The following RBM47 variants were observed in gnomAD, a reference collection of about 807,000 sequenced individuals.
RBM47 encodes RNA binding motif protein 47.
A neutral mutation model predicts 47.1 loss-of-function variants in RBM47; 21 were observed. That is an observed-to-expected ratio of 0.45 (90% CI 0.32 to 0.64). The LOEUF (loss-of-function observed/expected upper bound fraction) is 0.64, where lower values mean the gene tolerates loss of function less well. Among genes scored for constraint, RBM47 ranks in the 30% least tolerant of loss-of-function variants. RBM47 has a pLI of 0.05. For synonymous variants in RBM47, 375 were observed against 361.7 expected, an observed-to-expected ratio of 1.04 and a Z score of -0.42; for missense variants, 708 against 870.9, an observed-to-expected ratio of 0.81 and a Z score of 2.35.
intron 1 of RBM47, among the ~76,000 whole-genome samples, chr4:40,583,917 AT>A (rs1195260547): frequency 1.3e-5 from 2 of 151,636 alleles, no homozygotes; most frequent in Non-Finnish European, 2.9e-5. Flanking sequence ...GATTAAATAT[AT>A]TTTGTGATTT....
At chr4:40,539,657 T>C (rs1728304860) in intron 2 of RBM47, among the ~76,000 whole-genome samples, 2 of 135,744 alleles carry the variant, frequency 1.5e-5, no homozygotes, top group Non-Finnish European at 3.0e-5. Context: ...GGAGAATCAC[T>C]TGAACCTGAG....
intron 1 of RBM47, among the ~76,000 whole-genome samples, chr4:40,587,458 C>A (rs1733700281): frequency 6.6e-6 from 1 of 152,172 alleles, no homozygotes; most frequent in Non-Finnish European, 1.5e-5. Context: ...GAGCCAGGGG[C>A]AGGGAACACA....
At chr4:40,618,367 T>C (rs1736934141) in intron 1 of RBM47, among the ~76,000 whole-genome samples, 1 of 151,970 alleles carries the variant, frequency 6.6e-6, no homozygotes, top group African/African-American at 2.4e-5. Flanking sequence ...GATTTTACAG[T>C]GAGCAATGTC....
intron 2 of RBM47, among the ~76,000 whole-genome samples, chr4:40,523,261 C>A (rs896910403): frequency 6.6e-6 from 1 of 152,076 alleles, no homozygotes; most frequent in African/African-American, 2.4e-5. Context: ...GCCACCACAC[C>A]TGGCTAATAA....
intron 1 of RBM47, among the ~76,000 whole-genome samples, chr4:40,555,114 T>G (rs980200048): frequency 2.0e-5 from 3 of 152,194 alleles, no homozygotes; most frequent in Non-Finnish European, 4.4e-5. Flanking sequence ...TTTTTGTATT[T>G]TTACTAGAGA....
chr4:40,612,467 G>A (rs186311139), intron 1 of RBM47, among the ~76,000 whole-genome samples: 3 of 152,242 alleles, frequency 2.0e-5, no homozygotes, highest in East Asian at 1.9e-4. Flanking sequence ...AACCAAGATC[G>A]CACCACTGCA....
chr4:40,440,533 G>A (rs941963681), intron 3 of RBM47, among the ~76,000 whole-genome samples: 2 of 152,110 alleles, frequency 1.3e-5, no homozygotes, highest in Non-Finnish European at 2.9e-5. Flanking sequence ...ATCATTGAAG[G>A]AAAAAATAAA....
intron 2 of RBM47, among the ~76,000 whole-genome samples, chr4:40,487,600 C>T (rs930138441): frequency 2.6e-5 from 4 of 152,090 alleles, no homozygotes; most frequent in African/African-American, 9.7e-5. Flanking sequence ...CTCATCATTT[C>T]TTTTTTTATC....
chr4:40,481,878 T>G (rs540143326), intron 2 of RBM47, among the ~76,000 whole-genome samples: 3 of 152,210 alleles, frequency 2.0e-5, no homozygotes, highest in African/African-American at 7.2e-5. Flanking sequence ...AGAGATGGAG[T>G]TTCGCCATGT....
intron 2 of RBM47, chr4:40,515,922 G>A (rs1198460883): frequency 2.0e-5 from 3 of 152,180 alleles, no homozygotes; most frequent in Non-Finnish European, 4.4e-5. Flanking sequence ...AGAAGCTTCC[G>A]GTTAGTCCTG....
chr4:40,426,149 G>A lies in RBM47; in HGVS notation c.1543-6C>T, dbSNP rs760453069. The A allele has an allele frequency of 1.2e-6, 2 of 1,612,244 alleles. No homozygotes were observed. The highest frequency in any genetic ancestry group is 1.1e-5 in the South Asian group (1 of 91,010). ...ACTGGAGTTATTGGGCGGCCCTGAGGAGAAGAGACAAAAAGGAGCCTTCCT... is the reference window on the plus strand; with the variant it reads ...ACTGGAGTTATTGGGCGGCCCTGAGAAGAAGAGACAAAAAGGAGCCTTCCT... On this transcript the variant is annotated splice_region_variant and splice_polypyrimidine_tract_variant and intron_variant, in intron 6 of 6. Coordinates refer to ENST00000295971, the MANE Select transcript of RBM47 (RefSeq NM_001098634.2).
rs146545046 is a variant in RBM47 at position 40,567,148 on chromosome 4, C to T, written c.-239-22642G>A. 1.5e-3 allele frequency among the ~76,000 whole-genome samples: 228 copies of T among 151,816 alleles called. 3 individuals carry two copies. Among genetic ancestry groups the T allele is most frequent in the Non-Finnish European group, 2.8e-3 (192 of 67,856 alleles). Reference sequence around the variant, plus strand: ...TTGTAACATAATTAAGATTTGAGCCCAAATCTAATTATTATGAATCGGTGA... The same window carrying T: ...TTGTAACATAATTAAGATTTGAGCCTAAATCTAATTATTATGAATCGGTGA... On this transcript the variant is annotated intron_variant, in intron 1 of 6. Transcript: ENST00000295971.
chr4:40,501,755 C>T (rs539303789), intron 2 of RBM47, among the ~76,000 whole-genome samples: 1 of 152,304 alleles, frequency 6.6e-6, no homozygotes, highest in Admixed American at 6.5e-5. Flanking sequence ...AGAAGCTAAT[C>T]TAACTAATGC....
At chr4:40,474,154 A>G (rs1719293373) in intron 2 of RBM47, among the ~76,000 whole-genome samples, 1 of 152,192 alleles carries the variant, frequency 6.6e-6, no homozygotes. Context: ...AGCAATCATC[A>G]TAGCTGTGAA....
At chr4:40,611,936 A>G (rs1736299242) in intron 1 of RBM47, among the ~76,000 whole-genome samples, 1 of 152,168 alleles carries the variant, frequency 6.6e-6, no homozygotes, top group Non-Finnish European at 1.5e-5. Context: ...GTAATAAAAT[A>G]ATCAAGCGTT....
chr4:40,483,200 G>C (rs913320867), intron 2 of RBM47, among the ~76,000 whole-genome samples: 1 of 152,278 alleles, frequency 6.6e-6, no homozygotes, highest in African/African-American at 2.4e-5. Context: ...AAATCGTTTC[G>C]ACACAATGAG....
At chr4:40,434,952 C>G (rs28586898) in intron 5 of RBM47, among the ~76,000 whole-genome samples, 18,894 of 152,088 alleles carry the variant, frequency 0.12, 1,155 homozygotes, top group Middle Eastern at 0.14. Flanking sequence ...AGGGTCGTGC[C>G]AATTACCCAC....
intron 3 of RBM47, among the ~76,000 whole-genome samples, chr4:40,453,591 T>C (rs770622076): frequency 6.6e-6 from 1 of 152,234 alleles, no homozygotes; most frequent in Non-Finnish European, 1.5e-5. Flanking sequence ...CTCCATTTTA[T>C]TGAACATCTT....
chr4:40,568,722 A>ATC (rs1577976064), intron 1 of RBM47, among the ~76,000 whole-genome samples: 1 of 151,924 alleles, frequency 6.6e-6, no homozygotes, highest in African/African-American at 2.4e-5. Context: ...GAAGGTCTTA[A>ATC]TAGATAGTAT....
Sources: gnomAD v4.1 joint callset for allele counts (sites outside exome capture counted in the v4.1 genomes callset) on GRCh38, gnomAD v4.1.1 for gene constraint, MANE v1.5 for transcripts, NCBI Gene and HGNC (gene_info 2026-07-23, HGNC 2026-07-21) for gene names.